RIN2: variants seen among roughly 807,000 people sequenced by gnomAD.
The protein encoded by RIN2 is RAB5 interacting protein 2.
A neutral mutation model predicts 78.0 loss-of-function variants in RIN2; 36 were observed. The ratio of observed to expected loss-of-function variants is 0.46; its 90% CI spans 0.35 to 0.61. The LOEUF (loss-of-function observed/expected upper bound fraction) is 0.61, where lower values mean the gene tolerates loss of function less well. Among genes scored for constraint, RIN2 ranks in the 20% least tolerant of loss-of-function variants. RIN2 has a pLI of 0.00. For synonymous variants in RIN2, 466 were observed against 466.8 expected, an observed-to-expected ratio of 1.00 and a Z score of 0.02; for missense variants, 1,087 against 1,159.7, an observed-to-expected ratio of 0.94 and a Z score of 0.91.
At position 19,834,984 on chromosome 20, in the gene RIN2, GAA is replaced by G. The variant is rs2036366568; in HGVS notation, c.-37+35239_-37+35240del. On this transcript the variant is annotated intron_variant, in intron 2 of 12. Transcript: ENST00000255006. ...GAGAGAGAGAAAGAAAGAAAGGAAG[GAA>G]AGAGAGAAAGAGAGAGAGAGAAAGA... Among the ~76,000 whole-genome samples the G allele has an allele frequency of 3.5e-5, 5 of 143,980 alleles. No homozygotes were observed. The East Asian group carries it at 1.0e-3, about 29-fold the overall frequency. 94.5% of individuals were successfully genotyped at this position (143,980 alleles called of 152,430 possible). A position where few individuals can be genotyped will look rare whatever the true frequency, so the allele number is the denominator to read the frequency against.
At chr20:19,974,376 C>A (rs898865543) in intron 8 of RIN2, among the ~76,000 whole-genome samples, 1 of 152,280 alleles carries the variant, frequency 6.6e-6, no homozygotes, top group East Asian at 1.9e-4. Flanking sequence ...TTCCAACTTA[C>A]CTGTGAAAAG....
chr20:19,783,295 T>C (rs2122546008), intron 1 of RIN2, among the ~76,000 whole-genome samples: 1 of 152,360 alleles, frequency 6.6e-6, no homozygotes, highest in Middle Eastern at 3.4e-3. Context: ...GAAGTTACTG[T>C]GTGCACAGGC....
intron 2 of RIN2, among the ~76,000 whole-genome samples, chr20:19,853,007 A>G (rs6046371): frequency 0.56 from 82,897 of 147,958 alleles, 25,024 homozygotes; most frequent in African/African-American, 0.78. Flanking sequence ...TACATTAGGT[A>G]TATCTCCTAA....
chr20:19,974,916 C>A lies in RIN2; in HGVS notation c.891C>A (p.Asn297Lys). 6.2e-7 allele frequency: 1 copy of A among 1,613,858 alleles called. No individual in the cohort carries two copies. The highest frequency in any genetic ancestry group is 1.1e-5 in the South Asian group (1 of 91,084). ...AACGGCCGAGCACAAGGACTCCCAA[C>A]GCGAATGGCACGGAGCGGACTCGGT... ...GLKRPSTRTP[N>K]ANGTERTRSP... is the part of the protein sequence containing the mutation. Residue 297 changes from asparagine to lysine, a missense_variant, in exon 9 of 13, where the codon AAC becomes AAA. By Grantham distance (94) the Asn-to-Lys change is moderately conservative. Around this residue, in one of 8 missense-constraint regions of RIN2, gnomAD observed 706 missense variants for 667.5 expected, o/e 1.06. Transcript: ENST00000255006.
At chr20:19,815,680 C>T (rs560721051) in intron 2 of RIN2, among the ~76,000 whole-genome samples, 1 of 152,246 alleles carries the variant, frequency 6.6e-6, no homozygotes, top group Admixed American at 6.5e-5. Context: ...TAATGTGAAT[C>T]ACAGCTGTAT....
intron 7 of RIN2, 86 bp from the exon 8 acceptor site, chr20:19,970,752 G>GCTAAAACATCT: frequency 9.2e-7 from 1 of 1,084,672 alleles, no homozygotes; most frequent in Non-Finnish European, 1.4e-6. Context: ...AACAGTTTAA[G>GCTAAAACATCT]CTAAAACATC....
chr20:19,934,701 G>T, intron 3 of RIN2: 1 of 749,878 alleles, frequency 1.3e-6, no homozygotes, highest in Non-Finnish European at 1.6e-6. Context: ...TTCAAAGGGG[G>T]TTCCTTTGGA....
chr20:19,822,799 T>C (rs1010695490), intron 2 of RIN2, among the ~76,000 whole-genome samples: 7 of 152,234 alleles, frequency 4.6e-5, no homozygotes, highest in Non-Finnish European at 7.3e-5. Flanking sequence ...GTTAATATTT[T>C]TAACAATAAT....
In RIN2 at chr20:19,903,017, C is replaced by T. The variant is rs1213778201; in HGVS notation, c.57+13359C>T. ...CTGAGGCAGGAGAATGGCATGAACT[C>T]AGGAGGCGGAGCGTGCCGTGAGCCG... On this transcript the variant is annotated intron_variant, in intron 3 of 12. Coordinates refer to ENST00000255006, the MANE Select transcript of RIN2 (RefSeq NM_018993.4). Among the ~76,000 whole-genome samples the T allele has an allele frequency of 2.6e-5, 4 of 152,080 alleles. 1 individual carries two copies. Among genetic ancestry groups the T allele is most frequent in the Non-Finnish European group, 5.9e-5 (4 of 68,020 alleles).
At chr20:19,837,984 A>C (rs1305388983) in intron 2 of RIN2, among the ~76,000 whole-genome samples, 3 of 152,196 alleles carry the variant, frequency 2.0e-5, no homozygotes, top group Non-Finnish European at 2.9e-5. Context: ...TGGAGGGGAC[A>C]AGAAAAAGAA....
chr20:19,935,008 G>A (rs2040579439), intron 3 of RIN2, 91 bp from the exon 4 acceptor site: 2 of 841,018 alleles, frequency 2.4e-6, no homozygotes, highest in Non-Finnish European at 4.0e-6. Flanking sequence ...GGTCATCTCT[G>A]TTCCTATTGA....
chr20:19,923,510 G>A (rs905338903), intron 3 of RIN2, among the ~76,000 whole-genome samples: 2 of 147,792 alleles, frequency 1.4e-5, no homozygotes, highest in Non-Finnish European at 3.0e-5. Flanking sequence ...GAGAGGTGTG[G>A]TTCACACCTG....
At chr20:19,871,753 C>A (rs753519631) in intron 2 of RIN2, 1 of 152,166 alleles carries the variant, frequency 6.6e-6, no homozygotes, top group Non-Finnish European at 1.5e-5. Context: ...GTACGCATCG[C>A]GGCTTCTCTA....
At chr20:19,990,711 G>T (rs1218345236) in intron 10 of RIN2, among the ~76,000 whole-genome samples, 2 of 152,066 alleles carry the variant, frequency 1.3e-5, no homozygotes, top group African/African-American at 4.8e-5. Context: ...TCTTTCATGA[G>T]GTGGGGATTA....
intron 2 of RIN2, chr20:19,823,517 C>T: frequency 9.4e-7 from 1 of 1,066,510 alleles, no homozygotes; most frequent in South Asian, 1.2e-5. Flanking sequence ...CGGCCATCAA[C>T]ATTACAGCCC....
intron 2 of RIN2, among the ~76,000 whole-genome samples, chr20:19,808,500 C>T (rs747632925): frequency 3.3e-5 from 5 of 152,236 alleles, no homozygotes; most frequent in Non-Finnish European, 7.3e-5. Flanking sequence ...CCCCGAAGGC[C>T]CTGTATAAGT....
At chr20:19,885,467 A>G (rs930758584) in intron 2 of RIN2, among the ~76,000 whole-genome samples, 3 of 152,096 alleles carry the variant, frequency 2.0e-5, no homozygotes, top group Admixed American at 1.3e-4. Flanking sequence ...GGAGTTCAAG[A>G]CCAGCCTGGC....
intron 4 of RIN2, among the ~76,000 whole-genome samples, chr20:19,952,027 A>T (rs770130048): frequency 1.3e-5 from 2 of 152,188 alleles, no homozygotes; most frequent in Non-Finnish European, 2.9e-5. Flanking sequence ...TGTGCAAGTG[A>T]TTCAGAAGCA....
chr20:19,811,034 A>G (rs2035583236), intron 2 of RIN2, among the ~76,000 whole-genome samples: 1 of 121,440 alleles, frequency 8.2e-6, no homozygotes, highest in Admixed American at 7.3e-5. Flanking sequence ...TCAAATAACG[A>G]TTGTTTAATA....
Sources: allele counts gnomAD v4.1 joint callset (sites outside exome capture counted in the v4.1 genomes callset), GRCh38; gene constraint gnomAD v4.1.1; regional missense constraint gnomAD v4.1.1; transcripts MANE v1.5; gene names NCBI Gene and HGNC (gene_info 2026-07-23, HGNC 2026-07-21).